Variants in XKR4 observed in about 807,000 individuals in gnomAD.
The protein encoded by XKR4 is XK-related protein 4.
XKR4 carries 12 observed loss-of-function variants against 53.9 expected under a neutral mutation model. That is an observed-to-expected ratio of 0.22 (90% CI 0.14 to 0.36). The LOEUF (loss-of-function observed/expected upper bound fraction) is 0.36. Ranked by LOEUF, XKR4 falls within the 10% of genes least tolerant of loss-of-function variation. XKR4 has a pLI of 1.00. For synonymous variants in XKR4, 354 were observed against 362.4 expected (o/e 0.98, Z 0.26); for missense variants, 799 against 859.5 (o/e 0.93, Z 0.88).
intron 2 of XKR4, among the ~76,000 whole-genome samples, chr8:55,394,072 T>C (rs1420245197): frequency 2.0e-5 from 3 of 152,276 alleles, no homozygotes; most frequent in Admixed American, 2.0e-4. Flanking sequence ...AAAACAAAAA[T>C]AATCTCTCAA....
intron 2 of XKR4, among the ~76,000 whole-genome samples, chr8:55,507,354 ATT>A (rs61291206): frequency 6.6e-6 from 1 of 151,110 alleles, no homozygotes; most frequent in Admixed American, 6.6e-5. Flanking sequence ...TTACTGTTGG[ATT>A]TTTTTTTATT....
chr8:55,262,410 T>C (rs1487246815), intron 1 of XKR4, among the ~76,000 whole-genome samples: 2 of 152,188 alleles, frequency 1.3e-5, no homozygotes, highest in African/African-American at 2.4e-5. Context: ...AAAATTCACA[T>C]GTTGAAGCCT....
intron 1 of XKR4, among the ~76,000 whole-genome samples, chr8:55,295,987 T>C (rs1819095932): frequency 6.6e-6 from 1 of 152,154 alleles, no homozygotes; most frequent in Non-Finnish European, 1.5e-5. Context: ...AGCAGAGAAA[T>C]TCAAAATAAT....
At chr8:55,159,300 AT>A (rs1816951644) in intron 1 of XKR4, among the ~76,000 whole-genome samples, 1 of 151,726 alleles carries the variant, frequency 6.6e-6, no homozygotes, top group African/African-American at 2.4e-5. Context: ...TATGCCATAC[AT>A]TTCAAAGCAC....
At chr8:55,288,728 C>T (rs557484486) in intron 1 of XKR4, among the ~76,000 whole-genome samples, 61 of 152,246 alleles carry the variant, frequency 4.0e-4, no homozygotes, top group Non-Finnish European at 8.1e-4. Context: ...ATGCTTTACC[C>T]AGTTTCCCCA....
intron 2 of XKR4, among the ~76,000 whole-genome samples, chr8:55,407,575 C>G (rs1407992471): frequency 2.6e-5 from 4 of 152,100 alleles, no homozygotes; most frequent in African/African-American, 9.7e-5. Flanking sequence ...GTCAGATGCC[C>G]CGGGCTCAAC....
intron 1 of XKR4, among the ~76,000 whole-genome samples, chr8:55,189,688 G>T (rs1315238715): frequency 1.3e-5 from 2 of 152,188 alleles, no homozygotes; most frequent in African/African-American, 4.8e-5. Flanking sequence ...GACCACTATG[G>T]TAAGTGAGGT....
intron 2 of XKR4, among the ~76,000 whole-genome samples, chr8:55,370,349 C>G (rs990169018): frequency 2.6e-5 from 4 of 152,082 alleles, no homozygotes; most frequent in African/African-American, 9.7e-5. Flanking sequence ...TAATAGTGCC[C>G]CATCTGAATG....
At chr8:55,449,384 G>C in intron 2 of XKR4, 1 of 612,996 alleles carries the variant, frequency 1.6e-6, no homozygotes, top group Non-Finnish European at 3.0e-6. Context: ...CACAAGTGCT[G>C]GGGGCTCGGG....
chr8:55,290,922 T>A (rs1319076138), intron 1 of XKR4, among the ~76,000 whole-genome samples: 1 of 152,184 alleles, frequency 6.6e-6, no homozygotes, highest in Non-Finnish European at 1.5e-5. Flanking sequence ...CTTTATGAAT[T>A]ATGCTTTTGG....
chr8:55,286,597 G>A, intron 1 of XKR4, among the ~76,000 whole-genome samples: 1 of 152,186 alleles, frequency 6.6e-6, no homozygotes, highest in Middle Eastern at 3.2e-3. Flanking sequence ...CAGCAGGGCT[G>A]TTGGAGGTCC....
intron 2 of XKR4, among the ~76,000 whole-genome samples, chr8:55,516,379 G>T (rs911778655): frequency 6.6e-6 from 1 of 152,118 alleles, no homozygotes; most frequent in Non-Finnish European, 1.5e-5. Context: ...GTAATGAATG[G>T]TCATGTGATC....
rs1482299956 is a variant in XKR4 at position 55,334,084 on chromosome 8, G to GA, written c.807-23589dup. ...GACATCACTATACAATTTTAATAGAGAAAAATGAAAGAAGGAAATGAAAGA... is the reference window on the plus strand; with the variant it reads ...GACATCACTATACAATTTTAATAGAGAAAAAATGAAAGAAGGAAATGAAAGA... On this transcript the variant is annotated intron_variant, in intron 1 of 2. Transcript: ENST00000327381. Among the ~76,000 whole-genome samples, 10 of 152,154 alleles carry GA rather than the reference G, an allele frequency of 6.6e-5. No individual in the cohort carries two copies. In the East Asian group the frequency reaches 1.9e-3, roughly 29 times the overall value.
At chr8:55,417,006 C>G (rs1333734352) in intron 2 of XKR4, among the ~76,000 whole-genome samples, 1 of 152,172 alleles carries the variant, frequency 6.6e-6, no homozygotes, top group African/African-American at 2.4e-5. Flanking sequence ...GGCGGGGTTA[C>G]ATATCACATT....
At chr8:55,216,727 C>CAAA (rs35682640) in intron 1 of XKR4, among the ~76,000 whole-genome samples, 28 of 101,080 alleles carry the variant, frequency 2.8e-4, no homozygotes, top group Admixed American at 4.9e-4. Flanking sequence ...AATTGCATCT[C>CAAA]AAAAAAAAAA....
chr8:55,362,235 C>T (rs1210326753), intron 2 of XKR4, among the ~76,000 whole-genome samples: 1 of 151,476 alleles, frequency 6.6e-6, no homozygotes, highest in Admixed American at 6.6e-5. Flanking sequence ...AGTTTTAGAA[C>T]AGGGAAATAA....
chr8:55,472,111 C>T (rs900141321), intron 2 of XKR4, among the ~76,000 whole-genome samples: 2 of 152,042 alleles, frequency 1.3e-5, no homozygotes, highest in African/African-American at 4.8e-5. Flanking sequence ...TCCTAAGGGA[C>T]ATTCGAGTAT....
intron 1 of XKR4, among the ~76,000 whole-genome samples, chr8:55,161,045 A>G (rs1816976887): frequency 6.6e-6 from 1 of 152,140 alleles, no homozygotes; most frequent in Non-Finnish European, 1.5e-5. Context: ...TTTAATCCAA[A>G]TCAGACCTGT....
At chr8:55,208,741 A>G (rs952807724) in intron 1 of XKR4, among the ~76,000 whole-genome samples, 4 of 152,188 alleles carry the variant, frequency 2.6e-5, no homozygotes, top group African/African-American at 9.7e-5. Flanking sequence ...CTAGGATTAC[A>G]GGCATGAGCC....
Sources: gnomAD v4.1 joint callset for allele counts (sites outside exome capture counted in the v4.1 genomes callset) on GRCh38, gnomAD v4.1.1 for gene constraint, MANE v1.5 for transcripts, NCBI Gene and HGNC (gene_info 2026-07-23, HGNC 2026-07-21) for gene names.